ESR1: variants seen among roughly 807,000 people sequenced by gnomAD.
The protein encoded by ESR1 is estrogen receptor.
In ESR1, 12 loss-of-function variants were observed where a neutral mutation model predicts 52.7. That is an observed-to-expected ratio of 0.23 (90% confidence interval 0.15 to 0.37). The LOEUF is 0.37. ESR1 is among the 10% of genes least tolerant of loss of function. The pLI is 1.00. For missense variants in ESR1, 584 were observed against 779.7 expected, an observed-to-expected ratio of 0.75 and a Z score of 2.99; for synonymous variants, 305 against 316.8, an observed-to-expected ratio of 0.96 and a Z score of 0.39.
At chr6:151,681,029 C>G (rs1778439809) in intron 1 of ESR1, among the ~76,000 whole-genome samples, 1 of 152,104 alleles carries the variant, frequency 6.6e-6, no homozygotes, top group African/African-American at 2.4e-5. Context: ...CCTGTTCTGC[C>G]CACTCAGAGC....
Position 151,925,721 on chromosome 6 carries a change from G to A in ESR1, c.761-18452G>A, listed in dbSNP as rs146851725. ...TGATTACAAGTCTTTTATCAGCCAT[G>A]TGTTTCACAAATAATTTCTCCCAGT... is the stretch of plus-strand genomic sequence containing the variant. On this transcript the variant is annotated intron_variant, in intron 3 of 7. Coordinates refer to ENST00000206249, the MANE Select transcript of ESR1 (RefSeq NM_000125.4). 1.7e-3 allele frequency among the ~76,000 whole-genome samples: 263 copies of A among 152,118 alleles called. 1 individual carries two copies. The highest frequency in any genetic ancestry group is 6.1e-3 in the African/African-American group (252 of 41,484).
In ESR1 at chr6:151,807,748, C is replaced by T; in HGVS notation, c.-165C>T. 1 of 728,422 alleles carries T rather than the reference C, an allele frequency of 1.4e-6. No homozygotes were observed. The highest frequency in any genetic ancestry group is 2.7e-5 in the East Asian group (1 of 37,204). 45.1% of individuals were successfully genotyped at this position (728,422 alleles called of 1,614,324 possible). On this transcript the variant is annotated 5_prime_UTR_variant, in exon 1 of 8. Coordinates refer to ENST00000206249, the MANE Select transcript of ESR1 (RefSeq NM_000125.4). Reference sequence around the variant, plus strand: ...GTCGGGTCGCCCGGCTTCACCGGACCCGCAGGCTCCCGGGGCAGGGCCGGG... The same window carrying T: ...GTCGGGTCGCCCGGCTTCACCGGACTCGCAGGCTCCCGGGGCAGGGCCGGG...
intron 6 of ESR1, among the ~76,000 whole-genome samples, chr6:152,081,538 C>A (rs537744243): frequency 6.6e-6 from 1 of 151,236 alleles, no homozygotes; most frequent in Admixed American, 6.6e-5. Context: ...GATCTAAAAT[C>A]GACACCCTAA....
chr6:152,060,278 TTC>T (rs1209964558), intron 5 of ESR1, among the ~76,000 whole-genome samples: 1 of 152,214 alleles, frequency 6.6e-6, no homozygotes, highest in Admixed American at 6.5e-5. Flanking sequence ...TCTGACATTT[TTC>T]TGTTTTCACA....
chr6:151,844,115 A>T (rs1404124761), intron 2 of ESR1, among the ~76,000 whole-genome samples: 2 of 151,370 alleles, frequency 1.3e-5, no homozygotes, highest in Non-Finnish European at 2.9e-5. Context: ...TATATATAGA[A>T]ATAAATTCTA....
intron 5 of ESR1, among the ~76,000 whole-genome samples, chr6:152,041,253 G>C (rs1237321128): frequency 6.6e-6 from 1 of 152,170 alleles, no homozygotes; most frequent in Non-Finnish European, 1.5e-5. Flanking sequence ...CATTGGATCT[G>C]CCAGGTCATA....
At chr6:151,828,178 G>A (rs77943697) in intron 1 of ESR1, among the ~76,000 whole-genome samples, 7,244 of 152,182 alleles carry the variant, frequency 0.048, 581 homozygotes, top group African/African-American at 0.16. Flanking sequence ...ACCTCTCAAG[G>A]TATCTTTAAT....
At chr6:151,771,056 G>C (rs1388180008) in intron 2 of ESR1, among the ~76,000 whole-genome samples, 1 of 152,214 alleles carries the variant, frequency 6.6e-6, no homozygotes, top group African/African-American at 2.4e-5. Flanking sequence ...TTTTTCTACA[G>C]AACTATTGTA....
chr6:151,991,568 T>G (rs540151090), intron 4 of ESR1, among the ~76,000 whole-genome samples: 5 of 152,090 alleles, frequency 3.3e-5, no homozygotes, highest in African/African-American at 1.2e-4. Flanking sequence ...AAAGGAGAGA[T>G]AATCCTGAGT....
chr6:152,007,549 A>G (rs575652391), intron 4 of ESR1, among the ~76,000 whole-genome samples: 3 of 152,134 alleles, frequency 2.0e-5, no homozygotes, highest in Admixed American at 6.6e-5. Context: ...TGGATTCACT[A>G]TTACTGGGAC....
chr6:151,723,169 A>G (rs1275492015), intron 2 of ESR1, among the ~76,000 whole-genome samples: 1 of 152,034 alleles, frequency 6.6e-6, no homozygotes, highest in Non-Finnish European at 1.5e-5. Context: ...CTATTAATCA[A>G]TAGTGTGTAC....
At chr6:151,812,295 G>C (rs914515399) in intron 1 of ESR1, among the ~76,000 whole-genome samples, 6 of 152,106 alleles carry the variant, frequency 3.9e-5, no homozygotes, top group African/African-American at 1.4e-4. Context: ...TTGTTTTGGT[G>C]CTTTCATAGG....
intron 3 of ESR1, among the ~76,000 whole-genome samples, chr6:151,889,465 T>G (rs1794377863): frequency 6.6e-6 from 1 of 152,190 alleles, no homozygotes; most frequent in African/African-American, 2.4e-5. Flanking sequence ...ATCATAGTAC[T>G]CTTATAATTT....
chr6:152,121,332 ATTTCTG>A (rs2152517542), intron 6 of ESR1, among the ~76,000 whole-genome samples: 1 of 152,326 alleles, frequency 6.6e-6, no homozygotes, highest in Non-Finnish European at 1.5e-5. Context: ...CTTTAAGAAG[ATTTCTG>A]TGGCTGTTGT....
At chr6:151,708,584 C>T (rs1780348666) in intron 2 of ESR1, among the ~76,000 whole-genome samples, 1 of 152,078 alleles carries the variant, frequency 6.6e-6, no homozygotes, top group Non-Finnish European at 1.5e-5. Context: ...CTCCTATTTC[C>T]CTGCTTTCTA....
intron 5 of ESR1, among the ~76,000 whole-genome samples, chr6:152,030,536 AAAG>A (rs2044597809): frequency 1.3e-5 from 2 of 152,234 alleles, no homozygotes; most frequent in Admixed American, 6.5e-5. Context: ...CAAAAGAGAC[AAAG>A]AAGGCCATTA....
At chr6:151,875,880 G>A (rs1360976510) in intron 2 of ESR1, among the ~76,000 whole-genome samples, 1 of 152,156 alleles carries the variant, frequency 6.6e-6, no homozygotes, top group Admixed American at 6.5e-5. Context: ...GCATTTAGAT[G>A]TCATTTTTAG....
chr6:151,930,346 T>A (rs912805100), intron 3 of ESR1, among the ~76,000 whole-genome samples: 1 of 152,212 alleles, frequency 6.6e-6, no homozygotes, highest in Non-Finnish European at 1.5e-5. Context: ...TATACATTTT[T>A]AAGTATTCTA....
intron 4 of ESR1, among the ~76,000 whole-genome samples, chr6:151,962,382 A>T (rs1272760274): frequency 6.6e-6 from 1 of 152,052 alleles, no homozygotes; most frequent in Non-Finnish European, 1.5e-5. Context: ...CCACGGGAGC[A>T]CCCTGAAATG....
Sources: gnomAD v4.1 joint callset for allele counts (sites outside exome capture counted in the v4.1 genomes callset) on GRCh38, gnomAD v4.1.1 for gene constraint, MANE v1.5 for transcripts, NCBI Gene and HGNC (gene_info 2026-07-23, HGNC 2026-07-21) for gene names.